The following TXNDC8 variants were observed in gnomAD, a reference collection of about 807,000 sequenced individuals.
TXNDC8 encodes the protein thioredoxin domain-containing protein 8.
A neutral mutation model predicts 12.9 loss-of-function variants in TXNDC8; 15 were observed. That is an observed-to-expected ratio of 1.16 (90% CI 0.78 to 1.79). TXNDC8 has a LOEUF of 1.79. Among genes scored for constraint, TXNDC8 ranks in the 40% most tolerant of loss-of-function variants. TXNDC8 has a pLI of 0.00. For synonymous variants in TXNDC8, 40 were observed against 35.4 expected, an observed-to-expected ratio of 1.13 and a Z score of -0.46; for missense variants, 128 against 113.2, an observed-to-expected ratio of 1.13 and a Z score of -0.59.
intron 3 of TXNDC8, among the ~76,000 whole-genome samples, chr9:110,316,286 A>T (rs59154309): frequency 0.031 from 4,695 of 152,190 alleles, 225 homozygotes; most frequent in African/African-American, 0.11. Flanking sequence ...TTACTAAAGC[A>T]TTGAATAGTA....
chr9:110,322,930 T>C, intron 3 of TXNDC8: 3 of 985,412 alleles, frequency 3.0e-6, no homozygotes, highest in Non-Finnish European at 3.6e-6. Flanking sequence ...TTCAGGTGCT[T>C]GGACTAGTAT....
Position 110,334,435 on chromosome 9 carries a change from G to A in TXNDC8, c.25-115C>T, listed in dbSNP as rs1587995474. On this transcript the variant is annotated intron_variant, in intron 1 of 4. Transcript: ENST00000423740. ...TTGTTTTTGGTTTTTTTAAAGCCAGGTTATCACTATGCTGCCCAGGCTGGT... is the reference window on the plus strand; with the variant it reads ...TTGTTTTTGGTTTTTTTAAAGCCAGATTATCACTATGCTGCCCAGGCTGGT... 11 of 830,668 alleles carry A rather than the reference G, an allele frequency of 1.3e-5. No homozygotes were observed. In the East Asian group the frequency reaches 2.9e-4, roughly 22 times the overall value. 51.5% of individuals were successfully genotyped at this position (830,668 alleles called of 1,614,324 possible). A position where few individuals can be genotyped will look rare whatever the true frequency, so the allele number is the denominator to read the frequency against.
At chr9:110,324,101 G>A (rs1376306929) in intron 3 of TXNDC8, 23 of 1,416,436 alleles carry the variant, frequency 1.6e-5, no homozygotes, top group Admixed American at 2.5e-5. Context: ...CCAAAAAGAA[G>A]TGTCTAAACT....
chr9:110,302,473 GC>G, downstream of TXNDC8, among the ~76,000 whole-genome samples: 1 of 152,134 alleles, frequency 6.6e-6, no homozygotes. Context: ...TGGAGCCTAT[GC>G]TTTGTCAAAA....
chr9:110,320,824 C>T (rs140222049), intron 3 of TXNDC8, among the ~76,000 whole-genome samples: 45 of 152,318 alleles, frequency 3.0e-4, no homozygotes, highest in African/African-American at 1.0e-3. Context: ...ATCTTATTCA[C>T]CACAATTAAT....
intron 1 of TXNDC8, among the ~76,000 whole-genome samples, chr9:110,334,729 T>A (rs1472039329): frequency 6.6e-6 from 1 of 152,212 alleles, no homozygotes; most frequent in African/African-American, 2.4e-5. Context: ...AGAAACAGGT[T>A]GGCCAGGGAG....
At chr9:110,325,860 T>C (rs12000829) in intron 3 of TXNDC8, among the ~76,000 whole-genome samples, 44,609 of 152,032 alleles carry the variant, frequency 0.29, 6,772 homozygotes, top group Middle Eastern at 0.37. Context: ...AGAATGTCTT[T>C]CTCTGAAAAG....
intron 3 of TXNDC8, chr9:110,322,358 T>C: frequency 1.0e-6 from 1 of 985,142 alleles, no homozygotes; most frequent in Non-Finnish European, 1.2e-6. Flanking sequence ...TTAATTTGTT[T>C]TCTAATAGCT....
intron 4 of TXNDC8, among the ~76,000 whole-genome samples, chr9:110,303,876 C>G (rs1838329115): frequency 6.6e-6 from 1 of 152,170 alleles, no homozygotes; most frequent in South Asian, 2.1e-4. Flanking sequence ...TAAACAAACT[C>G]CATCATTGGA....
intron 3 of TXNDC8, among the ~76,000 whole-genome samples, chr9:110,324,244 G>A (rs1401813306): frequency 6.6e-6 from 1 of 152,180 alleles, no homozygotes; most frequent in Non-Finnish European, 1.5e-5. Flanking sequence ...TGAAGGAGAA[G>A]ATAATAAAAG....
chr9:110,333,616 T>C (rs1244259283), intron 2 of TXNDC8, among the ~76,000 whole-genome samples: 1 of 152,196 alleles, frequency 6.6e-6, no homozygotes, highest in African/African-American at 2.4e-5. Flanking sequence ...ACACAAGGTT[T>C]CATTTGGAGG....
In TXNDC8 at chr9:110,326,518, A is replaced by G. The variant is rs144147984; in HGVS notation, c.130-278T>C. Among the ~76,000 whole-genome samples, 340 of 152,354 alleles carry G rather than the reference A, an allele frequency of 2.2e-3. 2 individuals carry two copies. The highest frequency in any genetic ancestry group is 4.5e-3 in the Non-Finnish European group (304 of 68,030). On this transcript the variant is annotated intron_variant, in intron 2 of 4. Transcript: ENST00000423740. ...AGAGATGGAGGCCACAACAGAATAGATGCTCAATAACAATATGAGCTGCAT... is the reference window on the plus strand; with the variant it reads ...AGAGATGGAGGCCACAACAGAATAGGTGCTCAATAACAATATGAGCTGCAT...
At chr9:110,323,936 G>A in intron 3 of TXNDC8, 1 of 1,550,966 alleles carries the variant, frequency 6.4e-7, no homozygotes, top group Non-Finnish European at 8.7e-7. Context: ...TGGCTTGACT[G>A]GAGTCAAGGG....
intron 3 of TXNDC8, chr9:110,323,066 T>C (rs968285276): frequency 1.0e-6 from 1 of 985,252 alleles, no homozygotes; most frequent in Non-Finnish European, 1.2e-6. Flanking sequence ...CTATAGGCAA[T>C]GGAGGGGGAG....
At chr9:110,335,956 T>G (rs142900175) in intron 1 of TXNDC8, among the ~76,000 whole-genome samples, 4 of 152,282 alleles carry the variant, frequency 2.6e-5, no homozygotes, top group African/African-American at 9.6e-5. Context: ...GGGAGAGACC[T>G]AGTGGGAGGT....
intron 3 of TXNDC8, among the ~76,000 whole-genome samples, chr9:110,314,413 T>TTTTTTC (rs1267001188): frequency 2.0e-5 from 3 of 149,816 alleles, no homozygotes; most frequent in South Asian, 2.1e-4. Context: ...TTTTTTTTCT[T>TTTTTTC]TTTTTCTTTT....
chr9:110,314,081 C>T (rs1838787699), intron 3 of TXNDC8, among the ~76,000 whole-genome samples: 4 of 152,198 alleles, frequency 2.6e-5, no homozygotes, highest in Admixed American at 6.5e-5. Flanking sequence ...CAAACTGCCT[C>T]CCATTCTATT....
At chr9:110,322,348 T>C in intron 3 of TXNDC8, 1 of 983,170 alleles carries the variant, frequency 1.0e-6, no homozygotes, top group African/African-American at 1.7e-5. Context: ...TCTTAATGGT[T>C]TAATTTGTTT....
At chr9:110,310,479 A>C (rs1838624161) in intron 3 of TXNDC8, among the ~76,000 whole-genome samples, 3 of 152,178 alleles carry the variant, frequency 2.0e-5, no homozygotes, top group African/African-American at 4.8e-5. Context: ...AGAGTCTATG[A>C]ATCTACAAGA....
Sources: gnomAD v4.1 joint callset for allele counts (sites outside exome capture counted in the v4.1 genomes callset) on GRCh38, gnomAD v4.1.1 for gene constraint, MANE v1.5 for transcripts, NCBI Gene and HGNC (gene_info 2026-07-23, HGNC 2026-07-21) for gene names.